The following CTNNA3 variants were observed in gnomAD, a reference collection of about 807,000 sequenced individuals.
CTNNA3 encodes catenin alpha-3.
A neutral mutation model predicts 95.7 loss-of-function variants in CTNNA3; 76 were observed. The ratio of observed to expected loss-of-function variants is 0.79; its 90% CI spans 0.66 to 0.96. CTNNA3 has a LOEUF of 0.96. Among genes scored for constraint, CTNNA3 ranks in the 40% least tolerant of loss-of-function variants. CTNNA3 has a pLI of 0.00. For missense variants in CTNNA3, 1,191 were observed against 1,089.8 expected (o/e 1.09, Z -1.31); for synonymous variants, 431 against 374.4 (o/e 1.15, Z -1.74).
intron 7 of CTNNA3, among the ~76,000 whole-genome samples, chr10:66,805,649 T>C (rs1349750390): frequency 1.3e-5 from 2 of 151,918 alleles, no homozygotes; most frequent in Non-Finnish European, 2.9e-5. Flanking sequence ...ATCTCTTTTA[T>C]AGATTCATCT....
At chr10:66,182,637 C>A (rs2086114271) in intron 13 of CTNNA3, among the ~76,000 whole-genome samples, 1 of 152,222 alleles carries the variant, frequency 6.6e-6, no homozygotes, top group Admixed American at 6.5e-5. Context: ...CAAAATACGG[C>A]ATTCCAATGT....
chr10:67,524,047 A>T (rs572842266), intron 4 of CTNNA3, among the ~76,000 whole-genome samples: 63 of 152,108 alleles, frequency 4.1e-4, no homozygotes, highest in Non-Finnish European at 8.2e-4. Flanking sequence ...TTTTCTTCAT[A>T]TTTATCTCTG....
Position 66,927,189 on chromosome 10 carries a change from C to T in CTNNA3, c.1048-151665G>A. ...GGCTCAACCAGCTCACCTGGCTATA[C>T]CTTGACCATAACCATATCAGCAATA... On this transcript the variant is annotated intron_variant, in intron 7 of 17. Transcript: ENST00000433211. This position sits in a 1 kb window ranked among gnomAD's most constrained non-coding sequence, Gnocchi z 4.7. The T allele has an allele frequency of 1.2e-6, 2 of 1,614,188 alleles. No homozygotes were observed. Among genetic ancestry groups the T allele is most frequent in the Non-Finnish European group, 1.7e-6 (2 of 1,180,038 alleles).
At chr10:66,459,899 A>T (rs984043659) in intron 11 of CTNNA3, among the ~76,000 whole-genome samples, 13 of 152,026 alleles carry the variant, frequency 8.6e-5, no homozygotes, top group Non-Finnish European at 1.2e-4. Context: ...TTATTTATTT[A>T]TTTTTTTAAT....
intron 7 of CTNNA3, among the ~76,000 whole-genome samples, chr10:66,987,646 A>G (rs887644128): frequency 2.0e-5 from 3 of 152,206 alleles, no homozygotes; most frequent in Non-Finnish European, 4.4e-5. Context: ...AGCTTTGTAT[A>G]GTTAACTTTG....
intron 7 of CTNNA3, among the ~76,000 whole-genome samples, chr10:66,864,536 C>G (rs1388538827): frequency 6.6e-6 from 1 of 151,990 alleles, no homozygotes; most frequent in Non-Finnish European, 1.5e-5. Flanking sequence ...ACAAAATGAG[C>G]TAGGACATCA....
chr10:67,502,909 T>C (rs1430772608), intron 5 of CTNNA3, among the ~76,000 whole-genome samples: 1 of 152,180 alleles, frequency 6.6e-6, no homozygotes, highest in Non-Finnish European at 1.5e-5. Context: ...TGGGCTCTGT[T>C]GGGGTGGGAT....
intron 6 of CTNNA3, among the ~76,000 whole-genome samples, chr10:67,204,194 G>A (rs780047750): frequency 7.2e-5 from 11 of 151,960 alleles, no homozygotes; most frequent in Non-Finnish European, 1.0e-4. Flanking sequence ...GGATACGCAC[G>A]TCCCCACCCC....
intron 11 of CTNNA3, among the ~76,000 whole-genome samples, chr10:66,392,064 T>A (rs1233776497): frequency 3.2e-5 from 4 of 126,864 alleles, no homozygotes; most frequent in African/African-American, 1.5e-4. Context: ...TAATTAACAA[T>A]TTTTTTACAA....
At chr10:67,682,392 G>T (rs978907353) in intron 1 of CTNNA3, among the ~76,000 whole-genome samples, 2 of 150,494 alleles carry the variant, frequency 1.3e-5, no homozygotes, top group Non-Finnish European at 3.0e-5. Context: ...TATGTAAAAA[G>T]AAGGGCAATG....
At chr10:67,385,847 A>C (rs550920976) in intron 5 of CTNNA3, among the ~76,000 whole-genome samples, 2 of 152,156 alleles carry the variant, frequency 1.3e-5, no homozygotes, top group Non-Finnish European at 2.9e-5. Flanking sequence ...AAAAAAAAAA[A>C]AAAAAACCTG....
intron 9 of CTNNA3, among the ~76,000 whole-genome samples, chr10:66,724,581 A>G (rs1007781154): frequency 6.6e-6 from 1 of 152,326 alleles, no homozygotes; most frequent in East Asian, 1.9e-4. Context: ...ATTGACAGTG[A>G]GAAGAAATGT....
intron 9 of CTNNA3, among the ~76,000 whole-genome samples, chr10:66,734,678 A>G (rs1849073469): frequency 6.6e-6 from 1 of 152,094 alleles, no homozygotes; most frequent in African/African-American, 2.4e-5. Context: ...CCTGGCCAAC[A>G]TGGTGAAACT....
chr10:67,260,313 C>A (rs1866547405), intron 5 of CTNNA3, among the ~76,000 whole-genome samples: 1 of 152,162 alleles, frequency 6.6e-6, no homozygotes, highest in Non-Finnish European at 1.5e-5. Context: ...GAATGGAAGT[C>A]TTATGTATGA....
At chr10:66,928,419 C>A in intron 7 of CTNNA3, 2 of 1,611,112 alleles carry the variant, frequency 1.2e-6, no homozygotes, top group Non-Finnish European at 1.7e-6. Flanking sequence ...CGGGACCCTG[C>A]ACCTATAACA....
chr10:66,751,007 T>C (rs1304799004), intron 9 of CTNNA3, among the ~76,000 whole-genome samples: 3 of 152,126 alleles, frequency 2.0e-5, no homozygotes, highest in Non-Finnish European at 2.9e-5. Flanking sequence ...TGGTGGCTCA[T>C]GTCTATAATC....
At chr10:66,080,175 G>T (rs1282035631) in intron 14 of CTNNA3, among the ~76,000 whole-genome samples, 1 of 152,020 alleles carries the variant, frequency 6.6e-6, no homozygotes, top group Admixed American at 6.6e-5. Flanking sequence ...AAATTACTGA[G>T]GGCTTATATT....
intron 7 of CTNNA3, among the ~76,000 whole-genome samples, chr10:66,971,926 C>G (rs1037923726): frequency 6.6e-6 from 1 of 151,412 alleles, no homozygotes; most frequent in Non-Finnish European, 1.5e-5. Context: ...TGCTAATGTA[C>G]TTCAGTATAT....
At chr10:66,495,068 T>G (rs191742839) in intron 11 of CTNNA3, among the ~76,000 whole-genome samples, 1 of 152,228 alleles carries the variant, frequency 6.6e-6, no homozygotes, top group Admixed American at 6.5e-5. Context: ...AACCCACCAA[T>G]CAGTGCCAAA....
Sources: allele counts gnomAD v4.1 joint callset (sites outside exome capture counted in the v4.1 genomes callset), GRCh38; gene constraint gnomAD v4.1.1; non-coding constraint Gnocchi (gnomAD v3.1); transcripts MANE v1.5; gene names NCBI Gene and HGNC (gene_info 2026-07-23, HGNC 2026-07-21).